The following MED13L variants were observed in gnomAD, a reference collection of about 807,000 sequenced individuals.
MED13L encodes mediator of RNA polymerase II transcription subunit 13-like.
In MED13L, 7 loss-of-function variants were observed where a neutral mutation model predicts 220.9. The observed-to-expected ratio is 0.03, with a 90% CI of 0.02 to 0.06. The LOEUF is 0.06. MED13L is among the 10% of genes least tolerant of loss of function. MED13L has a pLI of 1.00. For synonymous variants in MED13L, 1,011 were observed against 1,015.2 expected, an observed-to-expected ratio of 1.00 and a Z score of 0.08; for missense variants, 1,965 against 2,760.5, an observed-to-expected ratio of 0.71 and a Z score of 6.46.
At chr12:116,241,110 C>A (rs1870598106) in intron 1 of MED13L, among the ~76,000 whole-genome samples, 1 of 151,446 alleles carries the variant, frequency 6.6e-6, no homozygotes. Context: ...AGATGGAGAC[C>A]ATCCTGGCCA....
chr12:116,026,248 T>G (rs1880386925), intron 4 of MED13L, among the ~76,000 whole-genome samples: 1 of 152,170 alleles, frequency 6.6e-6, no homozygotes. Context: ...GGAATTGTTA[T>G]AAAAATTTCA....
At chr12:116,251,587 G>A (rs1050808959) in intron 1 of MED13L, among the ~76,000 whole-genome samples, 5 of 150,424 alleles carry the variant, frequency 3.3e-5, no homozygotes, top group Admixed American at 2.6e-4. Context: ...GTGAAACTCC[G>A]TCTCTACTAA....
chr12:116,109,254 A>T (rs1873878318), intron 3 of MED13L, among the ~76,000 whole-genome samples: 1 of 151,486 alleles, frequency 6.6e-6, no homozygotes, highest in Admixed American at 6.6e-5. Flanking sequence ...AAATTTCTGT[A>T]GATACATGGT....
At chr12:116,090,999 C>T (rs1384683495) in intron 4 of MED13L, among the ~76,000 whole-genome samples, 3 of 151,810 alleles carry the variant, frequency 2.0e-5, no homozygotes, top group Admixed American at 2.0e-4. Context: ...GTGATGCATG[C>T]CTGTGATCCC....
intron 4 of MED13L, among the ~76,000 whole-genome samples, chr12:116,040,297 T>G (rs1881447973): frequency 6.6e-6 from 1 of 152,218 alleles, no homozygotes; most frequent in African/African-American, 2.4e-5. Flanking sequence ...ATTCACTTAG[T>G]AAGAAAATTC....
chr12:115,967,999 C>A (rs867513066), intron 28 of MED13L, among the ~76,000 whole-genome samples: 3 of 145,188 alleles, frequency 2.1e-5, no homozygotes, highest in Non-Finnish European at 4.5e-5. Flanking sequence ...CTAATCTAAG[C>A]TATAAACCTT....
chr12:116,071,777 C>T (rs924439722), intron 4 of MED13L, among the ~76,000 whole-genome samples: 9 of 152,122 alleles, frequency 5.9e-5, no homozygotes, highest in Admixed American at 5.9e-4. Flanking sequence ...TAGCATACTA[C>T]ATTACACCCA....
chr12:116,087,830 C>A (rs959499795), intron 4 of MED13L, among the ~76,000 whole-genome samples: 1 of 151,994 alleles, frequency 6.6e-6, no homozygotes, highest in Non-Finnish European at 1.5e-5. Flanking sequence ...AATGTTAACT[C>A]CAAATATATA....
Position 115,960,193 on chromosome 12 carries a change from A to G in MED13L, c.*1073T>C, listed in dbSNP as rs960857908. 7 of 152,648 alleles carry G rather than the reference A, an allele frequency of 4.6e-5. No homozygotes were observed. Among genetic ancestry groups the G allele is most frequent in the Non-Finnish European group, 8.8e-5 (6 of 68,046 alleles). 9.5% of individuals were successfully genotyped at this position (152,648 alleles called of 1,614,324 possible). On this transcript the variant is annotated 3_prime_UTR_variant, in exon 31 of 31. Transcript: ENST00000281928. ...TCCTATGGTCCAGAAAAAATTCACC[A>G]TATTTATAACTGATTTCATGAGCAA... is the stretch of plus-strand genomic sequence containing the variant.
intron 1 of MED13L, among the ~76,000 whole-genome samples, chr12:116,238,643 G>T (rs1048502351): frequency 3.3e-5 from 5 of 152,102 alleles, no homozygotes; most frequent in Non-Finnish European, 7.4e-5. Context: ...ATTTTTGTTA[G>T]CAAGTTGTTT....
At chr12:116,205,305 A>AT (rs1227164840) in intron 2 of MED13L, among the ~76,000 whole-genome samples, 2 of 151,888 alleles carry the variant, frequency 1.3e-5, no homozygotes, top group Non-Finnish European at 2.9e-5. Context: ...TGTAATACAA[A>AT]TTTTTTTCAA....
intron 2 of MED13L, among the ~76,000 whole-genome samples, chr12:116,190,829 T>C (rs181043211): frequency 9.9e-5 from 15 of 152,104 alleles, no homozygotes; most frequent in African/African-American, 2.9e-4. Context: ...CAGTGGCTCA[T>C]ACCTGTAATC....
chr12:116,085,853 C>T (rs1229455485), intron 4 of MED13L, among the ~76,000 whole-genome samples: 2 of 151,490 alleles, frequency 1.3e-5, no homozygotes, highest in Non-Finnish European at 2.9e-5. Flanking sequence ...CCAGAAGAAA[C>T]AGAAATCTTA....
intron 4 of MED13L, among the ~76,000 whole-genome samples, chr12:116,044,837 C>CT (rs1881739133): frequency 6.6e-6 from 1 of 152,176 alleles, no homozygotes; most frequent in Admixed American, 6.5e-5. Flanking sequence ...CAAAAATCAT[C>CT]TCATCCCTAG....
chr12:116,277,016 C>G (rs979101812), intron 1 of MED13L, 44 bp downstream of exon 1: 3 of 1,388,558 alleles, frequency 2.2e-6, no homozygotes, highest in South Asian at 2.5e-5. Context: ...GGGGACCCCC[C>G]CCCTTCCCCG....
chr12:115,989,795 T>C (rs1877936149), intron 17 of MED13L, among the ~76,000 whole-genome samples: 1 of 152,148 alleles, frequency 6.6e-6, no homozygotes, highest in East Asian at 1.9e-4. Flanking sequence ...TGCAATAATA[T>C]TTCTTCTCCA....
intron 1 of MED13L, among the ~76,000 whole-genome samples, chr12:116,271,419 T>C (rs938734397): frequency 6.6e-6 from 1 of 151,878 alleles, no homozygotes; most frequent in East Asian, 1.9e-4. Flanking sequence ...TGAAACCCCA[T>C]CTGTACTAAA....
At chr12:116,172,567 G>C (rs567830420) in intron 2 of MED13L, among the ~76,000 whole-genome samples, 8 of 152,064 alleles carry the variant, frequency 5.3e-5, no homozygotes, top group African/African-American at 1.9e-4. Context: ...TTACTTCATC[G>C]GGAATGCTAA....
At chr12:116,057,350 C>A (rs1869061779) in intron 4 of MED13L, among the ~76,000 whole-genome samples, 1 of 151,998 alleles carries the variant, frequency 6.6e-6, no homozygotes, top group South Asian at 2.1e-4. Context: ...AGCGAAAATA[C>A]CAAATTTCCA....
Sources: gnomAD v4.1 joint callset for allele counts (sites outside exome capture counted in the v4.1 genomes callset) on GRCh38, gnomAD v4.1.1 for gene constraint, MANE v1.5 for transcripts, NCBI Gene and HGNC (gene_info 2026-07-23, HGNC 2026-07-21) for gene names.